The following HAPLN1 variants were observed in gnomAD, a reference collection of about 807,000 sequenced individuals.
HAPLN1 encodes hyaluronan and proteoglycan link protein 1.
In HAPLN1, 13 loss-of-function variants were observed where a neutral mutation model predicts 36.5. That is an observed-to-expected ratio of 0.36 (90% CI 0.23 to 0.57). The LOEUF (loss-of-function observed/expected upper bound fraction) is 0.57, where lower values mean the gene tolerates loss of function less well. Among genes scored for constraint, HAPLN1 ranks in the 20% least tolerant of loss-of-function variants. The pLI is 0.83. For missense variants in HAPLN1, 407 were observed against 439.7 expected (o/e 0.93, Z 0.66); for synonymous variants, 202 against 169.8 (o/e 1.19, Z -1.48).
chr5:83,641,880 G>T lies in HAPLN1; in HGVS notation c.776-95C>A, dbSNP rs1002685836. On this transcript the variant is annotated intron_variant, in intron 4 of 4. Transcript: ENST00000274341. ...AAAACGGAAGTGTTTCTCAATGAAG[G>T]GGGATATAGAGCAATGTTTGTAAAA... is the stretch of plus-strand genomic sequence containing the variant. 4 of 1,264,438 alleles carry T rather than the reference G, an allele frequency of 3.2e-6. No individual in the cohort carries two copies. The East Asian group carries it at 9.4e-5, about 30-fold the overall frequency. The allele number at this position is 1,264,438 out of a possible 1,614,324, so 78.3% of individuals were successfully genotyped here. A position where few individuals can be genotyped will look rare whatever the true frequency, so the allele number is the denominator to read the frequency against.
intron 1 of HAPLN1, among the ~76,000 whole-genome samples, chr5:83,708,016 C>T (rs1236462126): frequency 6.6e-6 from 1 of 152,210 alleles, no homozygotes; most frequent in Non-Finnish European, 1.5e-5. Context: ...CAATGAGACA[C>T]CATCTCACAC....
intron 2 of HAPLN1, among the ~76,000 whole-genome samples, chr5:83,658,777 C>T (rs77716286): frequency 0.061 from 9,252 of 152,154 alleles, 832 homozygotes; most frequent in African/African-American, 0.19. Context: ...CCACCCCCAT[C>T]CATGCTAACC....
chr5:83,719,196 A>G (rs1751973541), intron 1 of HAPLN1, among the ~76,000 whole-genome samples: 1 of 152,236 alleles, frequency 6.6e-6, no homozygotes, highest in South Asian at 2.1e-4. Context: ...CTTGCTGAAA[A>G]TAAATGGCTC....
rs2112647069 is a variant in HAPLN1 at position 83,720,781 on chromosome 5, A to G, written c.-27+8T>C. The G allele has an allele frequency of 6.6e-6, 1 of 152,362 alleles. No individual in the cohort carries two copies. The highest frequency in any genetic ancestry group is 1.5e-5 in the Non-Finnish European group (1 of 68,040). 9.4% of individuals were successfully genotyped at this position (152,362 alleles called of 1,614,324 possible). Reference sequence around the variant, plus strand: ...CCAAAAGAGGGGGAAACAATTTGCAAGTTTTACCTTGTCCTGAAATCCAGG... The same window carrying G: ...CCAAAAGAGGGGGAAACAATTTGCAGGTTTTACCTTGTCCTGAAATCCAGG... On this transcript the variant is annotated splice_region_variant and intron_variant, in intron 1 of 4. Coordinates refer to ENST00000274341, the MANE Select transcript of HAPLN1 (RefSeq NM_001884.4).
chr5:83,681,105 A>G (rs1249411370), intron 1 of HAPLN1, among the ~76,000 whole-genome samples: 1 of 152,216 alleles, frequency 6.6e-6, no homozygotes, highest in Non-Finnish European at 1.5e-5. Flanking sequence ...ATAACAAAGC[A>G]TTGTATTAAA....
At chr5:83,683,458 A>G (rs1751050827) in intron 1 of HAPLN1, among the ~76,000 whole-genome samples, 1 of 152,352 alleles carries the variant, frequency 6.6e-6, no homozygotes, top group South Asian at 2.1e-4. Context: ...TTTCACAGAA[A>G]GCAATGGTAG....
chr5:83,706,067 C>T (rs2112633958), intron 1 of HAPLN1, among the ~76,000 whole-genome samples: 1 of 146,146 alleles, frequency 6.8e-6, no homozygotes, highest in East Asian at 2.0e-4. Flanking sequence ...CAAAAATAAG[C>T]TCTAAAATTG....
In HAPLN1 at chr5:83,691,300, T is replaced by G. The variant is rs547969923; in HGVS notation, c.-26-17751A>C. Among the ~76,000 whole-genome samples, 9 of 152,028 alleles carry G rather than the reference T, an allele frequency of 5.9e-5. No individual in the cohort carries two copies. In the East Asian group the frequency reaches 1.6e-3, roughly 26 times the overall value. On this transcript the variant is annotated intron_variant, in intron 1 of 4. Transcript: ENST00000274341. ...AAGGAGAGAGTGACACAGAGTTAAC[T>G]TAGGATGTTTAGAGTTTTCTCCTAG...
intron 2 of HAPLN1, among the ~76,000 whole-genome samples, chr5:83,671,904 T>A (rs1750736840): frequency 1.3e-5 from 2 of 152,200 alleles, no homozygotes. Context: ...ATCTGGATAA[T>A]CCTGATACTC....
At chr5:83,718,324 A>C (rs1303453700) in intron 1 of HAPLN1, among the ~76,000 whole-genome samples, 1 of 152,164 alleles carries the variant, frequency 6.6e-6, no homozygotes, top group Non-Finnish European at 1.5e-5. Flanking sequence ...TTAATGTTCA[A>C]CAAACGTCAA....
chr5:83,720,411 C>T (rs1302323578), intron 1 of HAPLN1, among the ~76,000 whole-genome samples: 1 of 152,182 alleles, frequency 6.6e-6, no homozygotes, highest in African/African-American at 2.4e-5. Context: ...CATTCCTCAC[C>T]TTTCCCTTCA....
At chr5:83,686,199 C>T (rs986880195) in intron 1 of HAPLN1, among the ~76,000 whole-genome samples, 1 of 147,538 alleles carries the variant, frequency 6.8e-6, no homozygotes, top group African/African-American at 2.5e-5. Flanking sequence ...TTACCGATCT[C>T]ATTTCTTCCT....
chr5:83,683,438 C>G (rs1751050414), intron 1 of HAPLN1, among the ~76,000 whole-genome samples: 3 of 152,160 alleles, frequency 2.0e-5, no homozygotes, highest in African/African-American at 7.2e-5. Context: ...AAGCTTCTCT[C>G]TTCCATAATT....
intron 1 of HAPLN1, among the ~76,000 whole-genome samples, chr5:83,703,939 A>G (rs191975415): frequency 1.3e-5 from 2 of 151,988 alleles, no homozygotes; most frequent in Admixed American, 1.3e-4. Flanking sequence ...CTAAAGACAC[A>G]TGATCATCAG....
At chr5:83,643,153 A>T (rs1749753123) in intron 4 of HAPLN1, among the ~76,000 whole-genome samples, 1 of 151,938 alleles carries the variant, frequency 6.6e-6, no homozygotes, top group Non-Finnish European at 1.5e-5. Flanking sequence ...GTGAAACCCC[A>T]TGTCTACATT....
At chr5:83,693,550 G>T (rs1050183876) in intron 1 of HAPLN1, among the ~76,000 whole-genome samples, 2 of 150,098 alleles carry the variant, frequency 1.3e-5, no homozygotes, top group Admixed American at 1.3e-4. Flanking sequence ...AGATTGTCAG[G>T]TTGGATTTAA....
At chr5:83,705,044 A>G (rs1289224300) in intron 1 of HAPLN1, among the ~76,000 whole-genome samples, 2 of 152,238 alleles carry the variant, frequency 1.3e-5, no homozygotes, top group Non-Finnish European at 2.9e-5. Context: ...AAGCAAAATC[A>G]TACCAAACAC....
chr5:83,641,394 G>A lies in HAPLN1; in HGVS notation c.*102C>T, dbSNP rs1419311459. ...GACTCTTTACAGTAAGTAAAAAAGG[G>A]TTATCACAGTTTTGGTAACTTGCAT... On this transcript the variant is annotated 3_prime_UTR_variant, in exon 5 of 5. Coordinates refer to ENST00000274341, the MANE Select transcript of HAPLN1 (RefSeq NM_001884.4). 1 of 1,057,414 alleles carries A rather than the reference G, an allele frequency of 9.5e-7. No individual in the cohort carries two copies. Among genetic ancestry groups the A allele is most frequent in the African/African-American group, 1.6e-5 (1 of 62,512 alleles). The allele number at this position is 1,057,414 out of a possible 1,614,324, so 65.5% of individuals were successfully genotyped here. A position where few individuals can be genotyped will look rare whatever the true frequency, so the allele number is the denominator to read the frequency against.
At chr5:83,645,896 C>T (rs142603939) in intron 3 of HAPLN1, among the ~76,000 whole-genome samples, 1 of 152,230 alleles carries the variant, frequency 6.6e-6, no homozygotes, top group African/African-American at 2.4e-5. Context: ...AAAAACTTCC[C>T]TAAGCTTGTC....
Sources: allele counts gnomAD v4.1 joint callset (sites outside exome capture counted in the v4.1 genomes callset), GRCh38; gene constraint gnomAD v4.1.1; transcripts MANE v1.5; gene names NCBI Gene and HGNC (gene_info 2026-07-23, HGNC 2026-07-21).